Variants in LRRC4C observed in about 807,000 individuals in gnomAD.
LRRC4C encodes the protein leucine rich repeat containing 4C, also known as leucine-rich repeat-containing protein 4C.
A neutral mutation model predicts 33.6 loss-of-function variants in LRRC4C; 5 were observed. The ratio of observed to expected loss-of-function variants is 0.15; its 90% confidence interval spans 0.08 to 0.31. The LOEUF (loss-of-function observed/expected upper bound fraction) is 0.31, where lower values mean the gene tolerates loss of function less well. Ranked by LOEUF, LRRC4C falls within the 10% of genes least tolerant of loss-of-function variation. LRRC4C has a pLI of 1.00. For missense variants in LRRC4C, 560 were observed against 796.7 expected, an observed-to-expected ratio of 0.70 and a Z score of 3.58; for synonymous variants, 329 against 302.0, an observed-to-expected ratio of 1.09 and a Z score of -0.93.
intron 4 of LRRC4C, among the ~76,000 whole-genome samples, chr11:40,275,974 C>T (rs1943072936): frequency 1.3e-5 from 2 of 152,112 alleles, no homozygotes; most frequent in South Asian, 4.2e-4. Flanking sequence ...TTATGCAAAA[C>T]AGGATATTGG....
intron 1 of LRRC4C, among the ~76,000 whole-genome samples, chr11:41,262,834 C>T (rs1949026909): frequency 6.6e-6 from 1 of 152,060 alleles, no homozygotes; most frequent in Admixed American, 6.6e-5. Context: ...CTCAGAGGAA[C>T]TCAATGACAG....
intron 2 of LRRC4C, among the ~76,000 whole-genome samples, chr11:40,835,087 G>A (rs1237229878): frequency 6.6e-6 from 1 of 152,070 alleles, no homozygotes; most frequent in Non-Finnish European, 1.5e-5. Context: ...TTCAGTAGGA[G>A]CATTCATGTA....
intron 1 of LRRC4C, among the ~76,000 whole-genome samples, chr11:41,403,412 GTTTATT>G (rs1954099481): frequency 6.6e-6 from 1 of 152,042 alleles, no homozygotes; most frequent in Admixed American, 6.6e-5. Flanking sequence ...AGACATATAT[GTTTATT>G]TTTAAGTAGA....
intron 2 of LRRC4C, among the ~76,000 whole-genome samples, chr11:40,715,781 T>G (rs1465410869): frequency 1.3e-5 from 2 of 152,142 alleles, no homozygotes; most frequent in Non-Finnish European, 2.9e-5. Context: ...TCCCAGCACT[T>G]TGGGAGGCTG....
intron 3 of LRRC4C, among the ~76,000 whole-genome samples, chr11:40,639,072 G>A (rs181469315): frequency 2.7e-5 from 4 of 150,314 alleles, no homozygotes; most frequent in East Asian, 2.0e-4. Context: ...ATTTCCTATC[G>A]AAAGTATGAA....
chr11:41,319,418 G>A (rs1345857514), intron 1 of LRRC4C, among the ~76,000 whole-genome samples: 1 of 152,142 alleles, frequency 6.6e-6, no homozygotes, highest in Non-Finnish European at 1.5e-5. Context: ...CTTCTAGGTT[G>A]GAAGAAAATG....
chr11:40,668,676 G>C (rs1315914201), intron 2 of LRRC4C, among the ~76,000 whole-genome samples: 2 of 152,134 alleles, frequency 1.3e-5, no homozygotes, highest in Non-Finnish European at 2.9e-5. Context: ...TAGGTGGGGA[G>C]AGAAAAAAGT....
chr11:41,326,800 G>A (rs992973579), intron 1 of LRRC4C, among the ~76,000 whole-genome samples: 2 of 152,130 alleles, frequency 1.3e-5, no homozygotes, highest in East Asian at 1.9e-4. Context: ...TCTATTGTAT[G>A]TGTTAAGAAA....
intron 3 of LRRC4C, among the ~76,000 whole-genome samples, chr11:40,632,591 T>A (rs1963564853): frequency 6.6e-6 from 1 of 152,230 alleles, no homozygotes; most frequent in South Asian, 2.1e-4. Flanking sequence ...GCATTTTAAA[T>A]GTAGCTTTAA....
chr11:41,285,638 C>T (rs906364420), intron 1 of LRRC4C, among the ~76,000 whole-genome samples: 1 of 152,070 alleles, frequency 6.6e-6, no homozygotes, highest in Non-Finnish European at 1.5e-5. Flanking sequence ...GACAGTCCTA[C>T]ATGTTACCCA....
At chr11:41,085,526 A>G (rs970760144) in intron 1 of LRRC4C, among the ~76,000 whole-genome samples, 3 of 152,106 alleles carry the variant, frequency 2.0e-5, no homozygotes, top group Non-Finnish European at 2.9e-5. Context: ...TAATATAACT[A>G]TCACGTAGTG....
chr11:40,141,565 T>C (rs1857369928), intron 5 of LRRC4C, among the ~76,000 whole-genome samples: 1 of 152,156 alleles, frequency 6.6e-6, no homozygotes, highest in Admixed American at 6.5e-5. Flanking sequence ...TGGTACAGAC[T>C]GTACAAAGAG....
chr11:40,505,928 A>T (rs1295860358), intron 3 of LRRC4C, among the ~76,000 whole-genome samples: 1 of 151,980 alleles, frequency 6.6e-6, no homozygotes, highest in Non-Finnish European at 1.5e-5. Flanking sequence ...CTTTATCTAC[A>T]CATGGAAATG....
chr11:40,591,308 A>C (rs540499989), intron 3 of LRRC4C, among the ~76,000 whole-genome samples: 3 of 152,234 alleles, frequency 2.0e-5, no homozygotes, highest in Admixed American at 6.5e-5. Flanking sequence ...GTGCTTCCTT[A>C]GTGAGGCAAT....
intron 2 of LRRC4C, among the ~76,000 whole-genome samples, chr11:40,824,000 C>A (rs7945749): frequency 6.6e-6 from 1 of 151,902 alleles, no homozygotes. Context: ...GTTAGATGGA[C>A]GGAACTCAAA....
At chr11:40,585,403 T>C (rs924278596) in intron 3 of LRRC4C, among the ~76,000 whole-genome samples, 3 of 151,924 alleles carry the variant, frequency 2.0e-5, no homozygotes, top group Non-Finnish European at 4.4e-5. Flanking sequence ...CTAAGTAATA[T>C]TGAAATATGT....
chr11:40,786,985 T>C (rs949191827), intron 2 of LRRC4C, among the ~76,000 whole-genome samples: 1 of 152,204 alleles, frequency 6.6e-6, no homozygotes, highest in African/African-American at 2.4e-5. Context: ...ATTTCTCTTA[T>C]ATAGAAATGT....
chr11:40,542,052 C>CTTTCTT (rs112421824), intron 3 of LRRC4C, among the ~76,000 whole-genome samples: 123 of 149,376 alleles, frequency 8.2e-4, no homozygotes, highest in African/African-American at 2.9e-3. Flanking sequence ...TTCTCTTTCT[C>CTTTCTT]TCTTTCTTTC....
chr11:41,347,390 G>A (rs1951838444), intron 1 of LRRC4C, among the ~76,000 whole-genome samples: 1 of 152,182 alleles, frequency 6.6e-6, no homozygotes, highest in African/African-American at 2.4e-5. Flanking sequence ...GTGAATGGAT[G>A]TCACACTCAG....
Sources: allele counts gnomAD v4.1 joint callset (sites outside exome capture counted in the v4.1 genomes callset), GRCh38; gene constraint gnomAD v4.1.1; transcripts MANE v1.5; gene names NCBI Gene and HGNC (gene_info 2026-07-23, HGNC 2026-07-21).